The following DLC1 variants were observed in gnomAD, a reference collection of about 807,000 sequenced individuals.
The protein encoded by DLC1 is rho GTPase-activating protein 7.
DLC1 carries 54 observed loss-of-function variants against 140.3 expected under a neutral mutation model. That is an observed-to-expected ratio of 0.38 (90% confidence interval 0.31 to 0.48). The LOEUF (loss-of-function observed/expected upper bound fraction) is 0.48. Ranked by LOEUF, DLC1 falls within the 20% of genes least tolerant of loss-of-function variation. The pLI is 0.96. For synonymous variants in DLC1, 986 were observed against 728.1 expected (o/e 1.35, Z -5.70); for missense variants, 2,536 against 1,907.0 (o/e 1.33, Z -6.14).
chr8:13,320,071 A>G (rs1464320496), intron 4 of DLC1, among the ~76,000 whole-genome samples: 1 of 152,034 alleles, frequency 6.6e-6, no homozygotes, highest in African/African-American at 2.4e-5. Flanking sequence ...TTGGCCTCCC[A>G]AAGTGCTGGG....
intron 1 of DLC1, among the ~76,000 whole-genome samples, chr8:13,548,276 A>G (rs907630307): frequency 6.6e-6 from 1 of 152,024 alleles, no homozygotes; most frequent in Admixed American, 6.6e-5. Flanking sequence ...ACATGTTTCT[A>G]TGGCATTATG....
Position 13,260,517 on chromosome 8 carries a change from T to C in DLC1, c.1348+44752A>G, listed in dbSNP as rs564111629. ...TTAATTGTGGAGATAATGAAGTTAA[T>C]TCCATTTTAATGTGAAGTTGCATGA... On this transcript the variant is annotated intron_variant, in intron 5 of 17. Transcript: ENST00000276297. 2.0e-5 allele frequency among the ~76,000 whole-genome samples: 3 copies of C among 152,258 alleles called. No individual in the cohort carries two copies. In the South Asian group the frequency reaches 6.2e-4, roughly 32 times the overall value.
intron 5 of DLC1, among the ~76,000 whole-genome samples, chr8:13,296,383 G>A (rs895866668): frequency 9.9e-5 from 15 of 152,252 alleles, no homozygotes; most frequent in Non-Finnish European, 2.2e-4. Flanking sequence ...ACTGATAAGA[G>A]GTCAATGGCA....
intron 2 of DLC1, among the ~76,000 whole-genome samples, chr8:13,466,660 A>C (rs7844682): frequency 0.8 from 121,232 of 152,124 alleles, 49,859 homozygotes; most frequent in Middle Eastern, 0.92. Flanking sequence ...GCTAGAGTTT[A>C]TTGCCACTGT....
chr8:13,264,204 G>C (rs1213534212), intron 5 of DLC1, among the ~76,000 whole-genome samples: 6 of 151,882 alleles, frequency 4.0e-5, no homozygotes, highest in Non-Finnish European at 5.9e-5. Context: ...GAGTAGATGG[G>C]ATTACAGGCA....
At chr8:13,132,170 G>A (rs1822154245) in intron 5 of DLC1, among the ~76,000 whole-genome samples, 1 of 151,536 alleles carries the variant, frequency 6.6e-6, no homozygotes. Context: ...TCAGGGACAC[G>A]ATTCAGCGAC....
At chr8:13,372,137 C>CA (rs927664909) in intron 4 of DLC1, among the ~76,000 whole-genome samples, 9 of 147,234 alleles carry the variant, frequency 6.1e-5, no homozygotes, top group South Asian at 2.2e-4. Flanking sequence ...GTTATTTCTT[C>CA]AAAAAAAAGT....
At chr8:13,356,474 A>G (rs1169931121) in intron 4 of DLC1, among the ~76,000 whole-genome samples, 1 of 152,196 alleles carries the variant, frequency 6.6e-6, no homozygotes, top group Non-Finnish European at 1.5e-5. Context: ...ATTCCTTGCC[A>G]ATTATCTTTT....
chr8:13,552,098 C>T (rs562079813), intron 1 of DLC1, among the ~76,000 whole-genome samples: 121 of 32,874 alleles, frequency 3.7e-3, no homozygotes, highest in Middle Eastern at 0.033. Context: ...TATGTATGTA[C>T]CTGTCTAGAG....
At chr8:13,578,325 A>C (rs1414740421) in intron 1 of DLC1, among the ~76,000 whole-genome samples, 1 of 152,158 alleles carries the variant, frequency 6.6e-6, no homozygotes, top group African/African-American at 2.4e-5. Flanking sequence ...ATTCTGAAGG[A>C]AAAAACAAAC....
At chr8:13,319,093 A>T (rs962567728) in intron 4 of DLC1, among the ~76,000 whole-genome samples, 15 of 152,226 alleles carry the variant, frequency 9.9e-5, no homozygotes, top group African/African-American at 3.4e-4. Flanking sequence ...GGGTCTATTT[A>T]TACCTATAAT....
chr8:13,199,154 A>G (rs998672050), intron 5 of DLC1, among the ~76,000 whole-genome samples: 2 of 148,550 alleles, frequency 1.3e-5, no homozygotes, highest in African/African-American at 5.0e-5. Flanking sequence ...TCTAAACACT[A>G]GTAAATGTCT....
intron 5 of DLC1, among the ~76,000 whole-genome samples, chr8:13,238,646 G>A (rs894178158): frequency 1.3e-5 from 2 of 152,078 alleles, no homozygotes; most frequent in African/African-American, 4.8e-5. Flanking sequence ...TCCCCTCCAG[G>A]ACTTGGCGAT....
chr8:13,476,678 T>C (rs562635405), intron 2 of DLC1, among the ~76,000 whole-genome samples: 1 of 152,306 alleles, frequency 6.6e-6, no homozygotes, highest in South Asian at 2.1e-4. Flanking sequence ...TAAGTTTTTA[T>C]TCTTAGTTTC....
chr8:13,401,776 T>C (rs1837312080), intron 2 of DLC1, among the ~76,000 whole-genome samples, 157 bp from the exon 3 acceptor site: 2 of 152,174 alleles, frequency 1.3e-5, no homozygotes, highest in African/African-American at 2.4e-5. Flanking sequence ...GGGCTCTTCA[T>C]TGGGAAGACA....
chr8:13,585,087 A>G (rs957709232), intron 1 of DLC1, among the ~76,000 whole-genome samples: 8 of 152,228 alleles, frequency 5.3e-5, no homozygotes, highest in African/African-American at 1.4e-4. Flanking sequence ...ACTGCCTTCA[A>G]TGAACTTAGC....
At chr8:13,591,183 T>C (rs1179853293) in intron 1 of DLC1, among the ~76,000 whole-genome samples, 2 of 152,096 alleles carry the variant, frequency 1.3e-5, no homozygotes, top group African/African-American at 4.8e-5. Flanking sequence ...GGAAACAATC[T>C]TAAGTACTTT....
At chr8:13,572,511 T>C (rs888089735) in intron 1 of DLC1, among the ~76,000 whole-genome samples, 1 of 152,218 alleles carries the variant, frequency 6.6e-6, no homozygotes, top group African/African-American at 2.4e-5. Flanking sequence ...TTCTATTTCT[T>C]CTTTTATTGC....
chr8:13,378,306 T>A (rs1836091559), intron 4 of DLC1, among the ~76,000 whole-genome samples: 1 of 151,442 alleles, frequency 6.6e-6, no homozygotes, highest in Admixed American at 6.6e-5. Context: ...AAGAAAGTCC[T>A]TTGAAAGGCC....
Sources: gnomAD v4.1 joint callset for allele counts (sites outside exome capture counted in the v4.1 genomes callset) on GRCh38, gnomAD v4.1.1 for gene constraint, MANE v1.5 for transcripts, NCBI Gene and HGNC (gene_info 2026-07-23, HGNC 2026-07-21) for gene names.